NFIB: variants seen among roughly 807,000 people sequenced by gnomAD.
The protein encoded by NFIB is nuclear factor I B, also known as nuclear factor 1 B-type.
A neutral mutation model predicts 61.5 loss-of-function variants in NFIB; 11 were observed. That is an observed-to-expected ratio of 0.18 (90% CI 0.11 to 0.30). NFIB has a LOEUF of 0.30. Among genes scored for constraint, NFIB ranks in the 10% least tolerant of loss-of-function variants. The pLI, the probability that NFIB is intolerant of heterozygous loss-of-function variation, is 1.00. For missense variants in NFIB, 471 were observed against 608.9 expected (o/e 0.77, Z 2.38); for synonymous variants, 260 against 216.5 (o/e 1.20, Z -1.76).
At chr9:14,185,293 T>C (rs1246849954) in intron 2 of NFIB, among the ~76,000 whole-genome samples, 2 of 152,170 alleles carry the variant, frequency 1.3e-5, no homozygotes, top group Non-Finnish European at 2.9e-5. Flanking sequence ...TTCTAAGACA[T>C]ATTTCACTCT....
chr9:14,130,547 T>C (rs1277767778), intron 6 of NFIB, among the ~76,000 whole-genome samples: 1 of 152,188 alleles, frequency 6.6e-6, no homozygotes, highest in Admixed American at 6.5e-5. Flanking sequence ...AATTTTTCAT[T>C]GTTATTTACT....
At chr9:14,373,647 T>A (rs1357528895) in intron 1 of NFIB, among the ~76,000 whole-genome samples, 2 of 114,280 alleles carry the variant, frequency 1.8e-5, no homozygotes, top group Non-Finnish European at 3.4e-5. Context: ...CATGAGTGTG[T>A]GTGTGTGTGT....
chr9:14,358,305 T>C (rs59587773), intron 1 of NFIB, among the ~76,000 whole-genome samples: 22,551 of 151,440 alleles, frequency 0.15, 1,893 homozygotes, highest in African/African-American at 0.22. Context: ...AAAAAATATA[T>C]ACTTTAAAAA....
rs2058039900 is a variant in NFIB at position 14,276,868 on chromosome 9, T to G, written c.562+30121A>C. 2.0e-5 allele frequency among the ~76,000 whole-genome samples: 3 copies of G among 152,024 alleles called. No homozygotes were observed. The South Asian group carries it at 6.2e-4, about 32-fold the overall frequency. ...GTAAACTGAATTCAGATTATGTGCTTTTTTAAAAAGTACATCTTTTCTATA... is the reference window on the plus strand; with the variant it reads ...GTAAACTGAATTCAGATTATGTGCTGTTTTAAAAAGTACATCTTTTCTATA... On this transcript the variant is annotated intron_variant, in intron 2 of 10. Coordinates refer to ENST00000380953, the MANE Select transcript of NFIB (RefSeq NM_001190737.2).
intron 6 of NFIB, among the ~76,000 whole-genome samples, chr9:14,137,029 T>C (rs904549811): frequency 7.9e-5 from 12 of 152,200 alleles, no homozygotes; most frequent in African/African-American, 2.7e-4. Flanking sequence ...TTAGAAATCA[T>C]GTGAAATTCA....
chr9:14,323,157 A>AT (rs2060702732), intron 1 of NFIB, among the ~76,000 whole-genome samples: 1 of 152,206 alleles, frequency 6.6e-6, no homozygotes, highest in East Asian at 1.9e-4. Context: ...AAGGACCAGA[A>AT]AGAGCGCACT....
chr9:14,157,846 T>A (rs751402177), intron 3 of NFIB, among the ~76,000 whole-genome samples: 2 of 152,002 alleles, frequency 1.3e-5, no homozygotes, highest in Non-Finnish European at 2.9e-5. Flanking sequence ...AGTAAATATA[T>A]TAAGTACAAA....
intron 2 of NFIB, among the ~76,000 whole-genome samples, chr9:14,197,367 ACACTG>A (rs1249835087): frequency 8.9e-5 from 3 of 33,652 alleles, no homozygotes; most frequent in African/African-American, 3.5e-4. Flanking sequence ...TGTCCCTAAC[ACACTG>A]TACTGTGATC....
chr9:14,245,482 C>G (rs994122850), intron 2 of NFIB, among the ~76,000 whole-genome samples: 11 of 151,570 alleles, frequency 7.3e-5, no homozygotes, highest in African/African-American at 2.7e-4. Context: ...AAACCAACGG[C>G]AACAAAAAAA....
Position 14,313,918 on chromosome 9 carries a change from G to A in NFIB, c.-407C>T. ...TGTGGGTTGGATTGGGGTGGTGGTT[G>A]GTGGTAAAATGCTTTTTCAAAAAAG... is the stretch of plus-strand genomic sequence containing the variant. On this transcript the variant is annotated 5_prime_UTR_variant, in exon 1 of 11. Coordinates refer to ENST00000380953, the MANE Select transcript of NFIB (RefSeq NM_001190737.2). The surrounding 1 kb of genome is among the most constrained non-coding windows in gnomAD (Gnocchi z 4.5). 1 of 1,043,214 alleles carries A rather than the reference G, an allele frequency of 9.6e-7. No individual in the cohort carries two copies. The highest frequency in any genetic ancestry group is 1.2e-6 in the Non-Finnish European group (1 of 867,344). The allele number at this position is 1,043,214 out of a possible 1,614,324, so 64.6% of individuals were successfully genotyped here. A position where few individuals can be genotyped will look rare whatever the true frequency, so the allele number is the denominator to read the frequency against.
At chr9:14,197,863 G>T (rs2048625854) in intron 2 of NFIB, among the ~76,000 whole-genome samples, 1 of 152,156 alleles carries the variant, frequency 6.6e-6, no homozygotes, top group Non-Finnish European at 1.5e-5. Flanking sequence ...TGACGAAAAG[G>T]TTCACGGCTA....
upstream of NFIB, among the ~76,000 whole-genome samples, chr9:14,315,658 G>A (rs1588293603): frequency 6.7e-6 from 1 of 148,782 alleles, no homozygotes; most frequent in African/African-American, 2.4e-5. Flanking sequence ...CCACCCCGTC[G>A]CCCGTGCAGG....
At chr9:14,220,483 G>A (rs553757001) in intron 2 of NFIB, among the ~76,000 whole-genome samples, 1 of 152,214 alleles carries the variant, frequency 6.6e-6, no homozygotes, top group African/African-American at 2.4e-5. Flanking sequence ...ATAGTTCTGG[G>A]CATGGGGCTC....
In NFIB at chr9:14,179,881, A is replaced by C. The variant is rs1193651054; in HGVS notation, c.563-101T>G. On this transcript the variant is annotated intron_variant, in intron 2 of 10. Coordinates refer to ENST00000380953, the MANE Select transcript of NFIB (RefSeq NM_001190737.2). The stretch of plus-strand genomic sequence containing the variant: ...AAAAAAATTTGAAGGTATAAAAATG[A>C]AGTTGAGTGCTTAAATAAAATACAC... The C allele has an allele frequency of 4.6e-6, 5 of 1,095,814 alleles. No individual in the cohort carries two copies. In the African/African-American group the frequency reaches 7.9e-5, roughly 17 times the overall value. 67.9% of individuals were successfully genotyped at this position (1,095,814 alleles called of 1,614,324 possible). A position where few individuals can be genotyped will look rare whatever the true frequency, so the allele number is the denominator to read the frequency against.
In NFIB at chr9:14,084,361, TAAG is replaced by T. The variant is rs748188637; in HGVS notation, c.*3945_*3947del. ...ACTGTCTACAAGGTAGGCGGTTCAT[TAAG>T]AAGACCTTTCGCTCTTCTCGCTACT... On this transcript the variant is annotated 3_prime_UTR_variant, in exon 11 of 11. Transcript: ENST00000380953. The T allele has an allele frequency of 2.7e-5, 6 of 220,760 alleles. No individual in the cohort carries two copies. Among genetic ancestry groups the T allele is most frequent in the East Asian group, 6.7e-5 (1 of 15,026 alleles). 13.7% of individuals were successfully genotyped at this position (220,760 alleles called of 1,614,324 possible).
intron 2 of NFIB, among the ~76,000 whole-genome samples, chr9:14,184,796 A>AGAT (rs1217345740): frequency 6.6e-5 from 10 of 152,102 alleles, no homozygotes; most frequent in African/African-American, 1.9e-4. Flanking sequence ...TGAGGCAGGC[A>AGAT]GATTACTTGA....
At chr9:14,457,588 T>TG in the NFIB span, among the ~76,000 whole-genome samples, 1 of 149,966 alleles carries the variant, frequency 6.7e-6, no homozygotes, top group Non-Finnish European at 1.5e-5. Context: ...GTTTTTTTTT[T>TG]GAAAAGATCA....
rs372398810 is a variant in NFIB, at chr9:14,388,525, G to C, written c.108+9999C>G. ...AAAGTAAGGAGGGAAGGGAGGGAGA[G>C]AGGGAAGGGAAGGAGGGAAAAATGC... On this transcript the variant is annotated intron_variant, in intron 1 of 8. Transcript: ENST00000380934. Among the ~76,000 whole-genome samples, 9 of 151,752 alleles carry C rather than the reference G, an allele frequency of 5.9e-5. No individual in the cohort carries two copies. The East Asian group carries it at 9.7e-4, about 16-fold the overall frequency.
the NFIB span, among the ~76,000 whole-genome samples, chr9:14,435,253 C>T: frequency 6.6e-6 from 1 of 152,200 alleles, no homozygotes; most frequent in African/African-American, 2.4e-5. Context: ...TCCTGCTCGA[C>T]AAAAGAGGAC....
Sources: gnomAD v4.1 joint callset for allele counts (sites outside exome capture counted in the v4.1 genomes callset) on GRCh38, gnomAD v4.1.1 for gene constraint, Gnocchi (gnomAD v3.1) non-coding constraint, MANE v1.5 for transcripts, NCBI Gene and HGNC (gene_info 2026-07-23, HGNC 2026-07-21) for gene names.